Variants in CASZ1 observed in about 807,000 individuals in gnomAD.
CASZ1 encodes zinc finger protein castor homolog 1.
Under a neutral mutation model 135.2 loss-of-function variants are expected in CASZ1, and 28 were observed. The observed-to-expected ratio is 0.21, with a 90% CI of 0.15 to 0.28. The LOEUF (loss-of-function observed/expected upper bound fraction) is 0.28. Among genes scored for constraint, CASZ1 ranks in the 10% least tolerant of loss-of-function variants. The pLI, the probability that CASZ1 is intolerant of heterozygous loss-of-function variation, is 1.00. For synonymous variants in CASZ1, 1,068 were observed against 1,073.4 expected, an observed-to-expected ratio of 0.99 and a Z score of 0.10; for missense variants, 2,161 against 2,453.3, an observed-to-expected ratio of 0.88 and a Z score of 2.52.
chr1:10,643,987 T>C (rs1276773420), intron 18 of CASZ1, among the ~76,000 whole-genome samples: 1 of 152,216 alleles, frequency 6.6e-6, no homozygotes, highest in Non-Finnish European at 1.5e-5. Flanking sequence ...TGGCTACCAG[T>C]CCTCTCCCTG....
rs572311247 is a variant in CASZ1 at position 10,720,862 on chromosome 1, G to C, written c.-76-15318C>G. Among the ~76,000 whole-genome samples the C allele has an allele frequency of 2.6e-5, 4 of 152,290 alleles. No homozygotes were observed. In the South Asian group the frequency reaches 6.2e-4, roughly 24 times the overall value. ...GCCAAGGGACCAAGGGGAGAGGCAG[G>C]CATGGGTGCCGCGTGGGCCCAGCCA... On this transcript the variant is annotated intron_variant, in intron 2 of 20. Transcript: ENST00000377022. This position sits in a 1 kb window ranked among gnomAD's most constrained non-coding sequence, Gnocchi z 5.7.
At chr1:10,659,577 A>G in intron 6 of CASZ1, 125 bp downstream of exon 6, 16 of 726,710 alleles carry the variant, frequency 2.2e-5, no homozygotes, top group Admixed American at 7.1e-5. Flanking sequence ...CTGGATGCAC[A>G]GTGGATGTGT....
chr1:10,744,973 G>A (rs1231242099), intron 2 of CASZ1, among the ~76,000 whole-genome samples: 6 of 152,136 alleles, frequency 3.9e-5, no homozygotes, highest in Non-Finnish European at 4.4e-5. Flanking sequence ...CCAGCAACCG[G>A]CGAGGAAGTT....
At chr1:10,779,343 T>C (rs1376063129) in intron 1 of CASZ1, among the ~76,000 whole-genome samples, 1 of 151,198 alleles carries the variant, frequency 6.6e-6, no homozygotes, top group Non-Finnish European at 1.5e-5. Context: ...CAAAAGCTAT[T>C]GTTGCACAGC....
At position 10,654,140 on chromosome 1, in the gene CASZ1, G is replaced by A. The variant is rs770326453; in HGVS notation, c.1917C>T (p.Ala639=). The change falls in exon 11 of 21, where the codon GCC becomes GCT. Residue 639 remains alanine (A), a synonymous_variant. Transcript: ENST00000377022. ...KHKSYHIKDD[A]YAKDGFKKFY... ...ACTTCTTGAAGCCGTCCTTGGCGTA[G>A]GCATCGTCCTTGATGTGGTAGCTCT... 3.7e-6 allele frequency: 6 copies of A among 1,614,210 alleles called. No individual in the cohort carries two copies. In the Admixed American group the frequency reaches 1.0e-4, roughly 27 times the overall value.
At chr1:10,640,414 G>A (rs754116320) in intron 20 of CASZ1, among the ~76,000 whole-genome samples, 13 of 152,214 alleles carry the variant, frequency 8.5e-5, no homozygotes, top group Non-Finnish European at 1.9e-4. Flanking sequence ...GGGAATCTAG[G>A]TCGGCAGAGT....
chr1:10,644,269 A>T (rs548145574), intron 18 of CASZ1, among the ~76,000 whole-genome samples: 13 of 152,300 alleles, frequency 8.5e-5, no homozygotes, highest in Admixed American at 6.5e-4. Context: ...CCAGGGGCTC[A>T]GCTCCCAGCA....
Position 10,654,135 on chromosome 1 carries a change from G to A in CASZ1, c.1922C>T (p.Ala641Val), listed in dbSNP as rs1642706658. ...KSYHIKDDAY[A>V]KDGFKKFYKY... ...GTAGAACTTCTTGAAGCCGTCCTTG[G>A]CGTAGGCATCGTCCTTGATGTGGTA... The change falls in exon 11 of 21, where the codon GCC (alanine) becomes GTC (valine). Residue 641 changes from alanine (A) to valine (V), a missense_variant. Transcript: ENST00000377022. 6.2e-7 allele frequency: 1 copy of A among 1,614,100 alleles called. No individual in the cohort carries two copies. Among genetic ancestry groups the A allele is most frequent in the African/African-American group, 1.3e-5 (1 of 74,940 alleles).
intron 5 of CASZ1, chr1:10,660,778 A>G (rs1380440178): frequency 3.7e-6 from 2 of 546,238 alleles, no homozygotes. Context: ...AGGAAAATCA[A>G]TTTCCTAAAT....
chr1:10,786,628 G>T (rs1640864139), intron 1 of CASZ1, among the ~76,000 whole-genome samples: 1 of 152,188 alleles, frequency 6.6e-6, no homozygotes, highest in Admixed American at 6.5e-5. Flanking sequence ...CACGAGGTAG[G>T]TACTATTATG....
rs541981197 is a variant in CASZ1, at chr1:10,794,136, TGTGTGTGTGCGC to T, written c.-234+2416_-234+2427del. On this transcript the variant is annotated intron_variant, in intron 1 of 20. Coordinates refer to ENST00000377022, the MANE Select transcript of CASZ1 (RefSeq NM_001079843.3). The surrounding 1 kb of genome is among the most constrained non-coding windows in gnomAD (Gnocchi z 5.6). Reference sequence around the variant, plus strand: ...GACAGCTCCCTTTAGGACGGCGACGTGTGTGTGTGCGCGTGTGTGTGCGTGTTTGTATGTGTA... The same window carrying T: ...GACAGCTCCCTTTAGGACGGCGACGTGTGTGTGTGCGTGTTTGTATGTGTA... Among the ~76,000 whole-genome samples the T allele has an allele frequency of 1.7e-3, 257 of 151,500 alleles. 1 individual carries two copies. The highest frequency in any genetic ancestry group is 6.8e-3 in the Middle Eastern group (2 of 294).
chr1:10,743,081 G>A (rs1639957263), intron 2 of CASZ1, among the ~76,000 whole-genome samples: 1 of 152,104 alleles, frequency 6.6e-6, no homozygotes, highest in African/African-American at 2.4e-5. Context: ...GAGAGCTCGG[G>A]GAGTATTCCC....
At position 10,794,101 on chromosome 1, in the gene CASZ1, G is replaced by A. The variant is rs1299650678; in HGVS notation, c.-234+2463C>T. ...CCCCATGCCCGGCGCAGCTGCTCCTGCTCAGCCGGGACAGCTCCCTTTAGG... is the reference window on the plus strand; with the variant it reads ...CCCCATGCCCGGCGCAGCTGCTCCTACTCAGCCGGGACAGCTCCCTTTAGG... On this transcript the variant is annotated intron_variant, in intron 1 of 20. Coordinates refer to ENST00000377022, the MANE Select transcript of CASZ1 (RefSeq NM_001079843.3). This position sits in a 1 kb window ranked among gnomAD's most constrained non-coding sequence, Gnocchi z 5.6. 1.3e-5 allele frequency among the ~76,000 whole-genome samples: 2 copies of A among 152,066 alleles called. No individual in the cohort carries two copies. The highest frequency in any genetic ancestry group is 2.9e-5 in the Non-Finnish European group (2 of 67,994).
chr1:10,645,193 C>G, intron 17 of CASZ1, 105 bp from the exon 18 acceptor site: 2 of 966,260 alleles, frequency 2.1e-6, no homozygotes, highest in Non-Finnish European at 3.1e-6. Context: ...GTGTTCTTCT[C>G]TGCTCAGAAG....
Position 10,653,876 on chromosome 1 carries a change from G to T in CASZ1, c.2181C>A (p.Asp727Glu). The change falls in exon 11 of 21, where the codon GAC becomes GAA. Residue 727 changes from aspartate to glutamate, a missense_variant. Asp to Glu is a conservative substitution (Grantham distance 45). This residue lies in a region of CASZ1 where 406 missense variants were observed against 387.6 expected (regional missense o/e 1.05). Transcript: ENST00000377022. The stretch of plus-strand genomic sequence containing the variant: ...AGTTCTTGCTGCTCAGGGCGGAGAA[G>T]TCAACAAGGTCGTCGTTGCTGGACT... ...HEESSNDDLV[D>E]FSALSSKNSS... 1 of 1,613,148 alleles carries T rather than the reference G, an allele frequency of 6.2e-7. No homozygotes were observed. The highest frequency in any genetic ancestry group is 8.5e-7 in the Non-Finnish European group (1 of 1,179,468).
At chr1:10,716,839 C>T (rs912127641) in intron 2 of CASZ1, among the ~76,000 whole-genome samples, 1 of 152,216 alleles carries the variant, frequency 6.6e-6, no homozygotes, top group Non-Finnish European at 1.5e-5. Flanking sequence ...AAGGCTTTCT[C>T]AAGCCTTCCC....
At chr1:10,650,875 C>T (rs914345534) in intron 12 of CASZ1, 66 bp downstream of exon 12, 1 of 1,604,162 alleles carries the variant, frequency 6.2e-7, no homozygotes, top group Admixed American at 1.7e-5. Context: ...TGGGCGGGAC[C>T]ACCCCGGGGC....
At chr1:10,662,542 C>G (rs1281814467) in intron 5 of CASZ1, among the ~76,000 whole-genome samples, 1 of 151,924 alleles carries the variant, frequency 6.6e-6, no homozygotes, top group African/African-American at 2.4e-5. Flanking sequence ...AACACACATG[C>G]AATCACACAC....
chr1:10,649,757 C>T (rs1279875414), intron 13 of CASZ1: 1 of 265,342 alleles, frequency 3.8e-6, no homozygotes, highest in Non-Finnish European at 7.2e-6. Flanking sequence ...GACTTCGCGG[C>T]TCCCTGGTTA....
Sources: gnomAD v4.1 joint callset for allele counts (sites outside exome capture counted in the v4.1 genomes callset) on GRCh38, gnomAD v4.1.1 for gene constraint, gnomAD v4.1.1 regional missense constraint, Gnocchi (gnomAD v3.1) non-coding constraint, MANE v1.5 for transcripts, NCBI Gene and HGNC (gene_info 2026-07-23, HGNC 2026-07-21) for gene names.